ST18: variants seen among roughly 807,000 people sequenced by gnomAD.
ST18 encodes the protein ST18 C2H2C-type zinc finger transcription factor, also known as suppression of tumorigenicity 18 protein.
Under a neutral mutation model 110.0 loss-of-function variants are expected in ST18, and 50 were observed. The ratio of observed to expected loss-of-function variants is 0.45; its 90% CI spans 0.36 to 0.58. ST18 has a LOEUF of 0.58. Among genes scored for constraint, ST18 ranks in the 20% least tolerant of loss-of-function variants. The pLI, the probability that ST18 is intolerant of heterozygous loss-of-function variation, is 0.00. For missense variants in ST18, 1,306 were observed against 1,280.1 expected, an observed-to-expected ratio of 1.02 and a Z score of -0.31; for synonymous variants, 461 against 452.4, an observed-to-expected ratio of 1.02 and a Z score of -0.24.
chr8:52,406,200 A>G (rs1451491168), intron 2 of ST18: 1 of 152,242 alleles, frequency 6.6e-6, no homozygotes, highest in Non-Finnish European at 1.5e-5. Flanking sequence ...GAATGTAATT[A>G]ATGTAAAGCA....
chr8:52,127,513 G>C (rs10109282), intron 22 of ST18, among the ~76,000 whole-genome samples: 2,729 of 152,192 alleles, frequency 0.018, 72 homozygotes, highest in African/African-American at 0.062. Context: ...TTGGTAAACT[G>C]GATATTTAAA....
At chr8:52,143,379 G>A (rs958076664) in intron 16 of ST18, among the ~76,000 whole-genome samples, 2 of 152,134 alleles carry the variant, frequency 1.3e-5, no homozygotes, top group African/African-American at 2.4e-5. Context: ...CAGTTACTCA[G>A]GAGGTTGAGG....
At chr8:52,165,331 A>C (rs2062610939) in intron 11 of ST18, 106 bp from the exon 12 acceptor site, 1 of 1,035,606 alleles carries the variant, frequency 9.7e-7, no homozygotes, top group South Asian at 1.4e-5. Flanking sequence ...CAGTTCCATC[A>C]TCCACCATGC....
rs138857063 is a variant in ST18 at position 52,226,593 on chromosome 8, G to A, written c.-419+3439C>T. Among the ~76,000 whole-genome samples, 16 of 152,200 alleles carry A rather than the reference G, an allele frequency of 1.1e-4. No homozygotes were observed. In the East Asian group the frequency reaches 3.1e-3, roughly 29 times the overall value. The stretch of plus-strand genomic sequence containing the variant: ...CTGTTTGCTTAATCTTTTCTCTAAA[G>A]CCCCTTCCTGGCTTCGAAAGAAATA... On this transcript the variant is annotated intron_variant, in intron 3 of 25. Transcript: ENST00000689386.
At chr8:52,216,638 G>T (rs1319705324) in intron 6 of ST18, among the ~76,000 whole-genome samples, 1 of 152,196 alleles carries the variant, frequency 6.6e-6, no homozygotes, top group Non-Finnish European at 1.5e-5. Context: ...TGTGTTTTTC[G>T]GTGTGGAGAG....
intron 2 of ST18, among the ~76,000 whole-genome samples, chr8:52,387,407 C>A (rs1198663495): frequency 6.6e-6 from 1 of 152,010 alleles, no homozygotes; most frequent in Non-Finnish European, 1.5e-5. Context: ...CTAGAGTGTC[C>A]CCCTAGGTTT....
chr8:52,305,598 GTCCAGTCT>G (rs1208107138), intron 2 of ST18, among the ~76,000 whole-genome samples: 1 of 152,198 alleles, frequency 6.6e-6, no homozygotes, highest in Admixed American at 6.5e-5. Context: ...CACCACAGCT[GTCCAGTCT>G]TCCCCATCTC....
At chr8:52,315,033 T>C (rs16917652) in intron 2 of ST18, among the ~76,000 whole-genome samples, 2,587 of 152,340 alleles carry the variant, frequency 0.017, 63 homozygotes, top group African/African-American at 0.059. Flanking sequence ...ACTGAAATGC[T>C]GGCAGGGAGG....
intron 19 of ST18, 46 bp from the exon 20 acceptor site, chr8:52,133,347 G>A: frequency 1.9e-6 from 3 of 1,608,264 alleles, no homozygotes; most frequent in East Asian, 2.2e-5. Flanking sequence ...TTGTAGTTGG[G>A]GGAGTGGGGG....
chr8:52,184,864 T>G (rs2134409317), intron 8 of ST18, among the ~76,000 whole-genome samples: 1 of 152,278 alleles, frequency 6.6e-6, no homozygotes, highest in South Asian at 2.1e-4. Context: ...CATGGAAAAT[T>G]CATAGCAGGT....
chr8:52,151,163 G>A (rs2058714154), intron 15 of ST18, among the ~76,000 whole-genome samples: 1 of 152,038 alleles, frequency 6.6e-6, no homozygotes, highest in African/African-American at 2.4e-5. Flanking sequence ...CTTCCCAGGG[G>A]ATTTGTTTTA....
intron 2 of ST18, among the ~76,000 whole-genome samples, chr8:52,326,436 T>C (rs1466978525): frequency 2.0e-5 from 3 of 152,166 alleles, no homozygotes; most frequent in African/African-American, 7.2e-5. Flanking sequence ...GTTTACATGA[T>C]TGGGGAGAAC....
At chr8:52,131,890 C>T (rs2049761829) in intron 22 of ST18, 68 bp downstream of exon 22, 1 of 1,515,328 alleles carries the variant, frequency 6.6e-7, no homozygotes, top group African/African-American at 1.4e-5. Context: ...TCACAACCCT[C>T]TCCCCAAGGC....
intron 2 of ST18, among the ~76,000 whole-genome samples, chr8:52,346,279 G>A (rs1479735641): frequency 6.6e-6 from 1 of 150,996 alleles, no homozygotes; most frequent in South Asian, 2.1e-4. Flanking sequence ...TTGAAGAGAA[G>A]CCCTAAAACA....
At chr8:52,241,367 T>C (rs1262404502) in intron 2 of ST18, among the ~76,000 whole-genome samples, 2 of 152,248 alleles carry the variant, frequency 1.3e-5, no homozygotes. Context: ...GCCAGAACTT[T>C]ATTTTTTAGA....
At chr8:52,373,031 C>A (rs1830807571) in intron 2 of ST18, among the ~76,000 whole-genome samples, 1 of 152,100 alleles carries the variant, frequency 6.6e-6, no homozygotes, top group South Asian at 2.1e-4. Flanking sequence ...TTTGGGGGTA[C>A]CCAGGAGTTC....
chr8:52,166,044 C>T (rs998982296), intron 11 of ST18, among the ~76,000 whole-genome samples: 1 of 152,122 alleles, frequency 6.6e-6, no homozygotes, highest in African/African-American at 2.4e-5. Flanking sequence ...GAGACAACAC[C>T]AAGGAGTATA....
intron 2 of ST18, among the ~76,000 whole-genome samples, chr8:52,363,073 A>T (rs1024464803): frequency 6.6e-6 from 1 of 152,152 alleles, no homozygotes; most frequent in African/African-American, 2.4e-5. Context: ...TTAGCCGGGC[A>T]TGGTGGCGGG....
chr8:52,303,945 T>C (rs1482233762), intron 2 of ST18, among the ~76,000 whole-genome samples: 3 of 152,206 alleles, frequency 2.0e-5, no homozygotes, highest in Non-Finnish European at 1.5e-5. Context: ...ATTTTCATGG[T>C]AATTTACTAT....
Sources: gnomAD v4.1 joint callset for allele counts (sites outside exome capture counted in the v4.1 genomes callset) on GRCh38, gnomAD v4.1.1 for gene constraint, MANE v1.5 for transcripts, NCBI Gene and HGNC (gene_info 2026-07-23, HGNC 2026-07-21) for gene names.